RALYL: variants seen among roughly 807,000 people sequenced by gnomAD.
RALYL encodes the protein RALY RNA binding protein like, also known as RNA-binding Raly-like protein.
A neutral mutation model predicts 35.1 loss-of-function variants in RALYL; 29 were observed. That is an observed-to-expected ratio of 0.83 (90% confidence interval 0.61 to 1.13). The LOEUF (loss-of-function observed/expected upper bound fraction) is 1.13. RALYL is among the 50% of genes most tolerant of loss of function. The probability of loss-of-function intolerance (pLI) is 0.00; values close to 1 mark genes in which losing one functional copy is unlikely to be tolerated. For synonymous variants in RALYL, 120 were observed against 127.6 expected (o/e 0.94, Z 0.40); for missense variants, 359 against 360.4 (o/e 1.00, Z 0.03).
chr8:84,760,701 A>C (rs535859269), intron 2 of RALYL, among the ~76,000 whole-genome samples: 4 of 152,214 alleles, frequency 2.6e-5, no homozygotes, highest in Admixed American at 2.0e-4. Context: ...TCAGTTATTA[A>C]AAGTAAATCT....
intron 1 of RALYL, among the ~76,000 whole-genome samples, chr8:84,245,749 A>C (rs1370439969): frequency 1.3e-5 from 2 of 152,140 alleles, no homozygotes; most frequent in South Asian, 4.1e-4. Flanking sequence ...GCATGTTTAA[A>C]TAATCTGAAG....
intron 8 of RALYL, among the ~76,000 whole-genome samples, chr8:84,909,446 A>G (rs1847132520): frequency 6.6e-6 from 1 of 152,214 alleles, no homozygotes; most frequent in Non-Finnish European, 1.5e-5. Context: ...AATAATTTTG[A>G]ATAAACCTTC....
chr8:84,216,058 C>T (rs1820739582), intron 1 of RALYL, among the ~76,000 whole-genome samples: 1 of 152,098 alleles, frequency 6.6e-6, no homozygotes, highest in Admixed American at 6.6e-5. Flanking sequence ...TTGCACTTAT[C>T]ATATATTAAG....
At chr8:84,740,449 A>G (rs1848074029) in intron 2 of RALYL, among the ~76,000 whole-genome samples, 1 of 152,066 alleles carries the variant, frequency 6.6e-6, no homozygotes, top group South Asian at 2.1e-4. Flanking sequence ...AAAAGAAAGT[A>G]ATTTATTTTT....
At chr8:84,227,023 T>G (rs6473533) in intron 1 of RALYL, among the ~76,000 whole-genome samples, 44,012 of 148,564 alleles carry the variant, frequency 0.3, 7,674 homozygotes, top group African/African-American at 0.48. Flanking sequence ...TTATATTTTT[T>G]TCTGTGGTAG....
chr8:84,343,788 C>G (rs1246848726), intron 1 of RALYL, among the ~76,000 whole-genome samples: 2 of 151,880 alleles, frequency 1.3e-5, no homozygotes, highest in African/African-American at 4.8e-5. Flanking sequence ...AGCCACCACA[C>G]TGGGCTAATT....
intron 2 of RALYL, among the ~76,000 whole-genome samples, chr8:84,586,874 G>T (rs181117230): frequency 3.3e-5 from 5 of 152,150 alleles, no homozygotes; most frequent in East Asian, 1.9e-4. Context: ...ATGATTTTTT[G>T]TGTGTGTGCT....
chr8:84,365,644 A>G (rs555842450), intron 1 of RALYL, among the ~76,000 whole-genome samples: 279 of 152,334 alleles, frequency 1.8e-3, no homozygotes, highest in African/African-American at 6.5e-3. Flanking sequence ...AGAATGGAAG[A>G]AGAATAAAGT....
chr8:84,483,097 T>A (rs373506573), intron 1 of RALYL, among the ~76,000 whole-genome samples: 1 of 152,120 alleles, frequency 6.6e-6, no homozygotes, highest in South Asian at 2.1e-4. Flanking sequence ...AGAATTAGAA[T>A]ATAATCAACA....
intron 1 of RALYL, among the ~76,000 whole-genome samples, chr8:84,254,746 G>GAAACA: frequency 7.9e-6 from 1 of 126,504 alleles, no homozygotes; most frequent in Admixed American, 8.1e-5. Context: ...GGTAATTTAT[G>GAAACA]AAAAAAAAAA....
At chr8:84,774,795 C>G (rs1816441001) in intron 3 of RALYL, 141 bp downstream of exon 3, 1 of 638,000 alleles carries the variant, frequency 1.6e-6, no homozygotes, top group Non-Finnish European at 2.7e-6. Context: ...TGTTGGTCAA[C>G]ATATAAATAT....
chr8:84,581,792 G>A (rs1470871199), intron 2 of RALYL, among the ~76,000 whole-genome samples: 1 of 152,076 alleles, frequency 6.6e-6, no homozygotes, highest in African/African-American at 2.4e-5. Flanking sequence ...TACATAGTAA[G>A]CCAAGTATCT....
intron 3 of RALYL, among the ~76,000 whole-genome samples, chr8:84,783,188 T>C (rs1818601260): frequency 6.6e-6 from 1 of 152,154 alleles, no homozygotes; most frequent in Non-Finnish European, 1.5e-5. Context: ...TGAATCAAAT[T>C]AAAGACTAAA....
At chr8:84,805,224 CA>C (rs1445523478) in intron 4 of RALYL, among the ~76,000 whole-genome samples, 1 of 152,192 alleles carries the variant, frequency 6.6e-6, no homozygotes, top group Non-Finnish European at 1.5e-5. Context: ...TCTTCACAAT[CA>C]ATATCTATCT....
intron 2 of RALYL, among the ~76,000 whole-genome samples, chr8:84,730,118 T>C (rs1462006608): frequency 6.6e-6 from 1 of 152,098 alleles, no homozygotes; most frequent in African/African-American, 2.4e-5. Context: ...TGATGAACAT[T>C]GATGCAAAAA....
intron 1 of RALYL, among the ~76,000 whole-genome samples, chr8:84,404,927 C>A (rs916314550): frequency 6.6e-6 from 1 of 152,150 alleles, no homozygotes; most frequent in Non-Finnish European, 1.5e-5. Flanking sequence ...CTCAGCACAA[C>A]ATAACACTTA....
At chr8:84,425,947 G>C (rs889110365) in intron 1 of RALYL, among the ~76,000 whole-genome samples, 1 of 151,944 alleles carries the variant, frequency 6.6e-6, no homozygotes, top group Admixed American at 6.6e-5. Context: ...AGGAAATAAA[G>C]AGTATATATA....
intron 2 of RALYL, among the ~76,000 whole-genome samples, chr8:84,580,007 GTTAA>G (rs997445413): frequency 2.0e-5 from 3 of 151,976 alleles, no homozygotes; most frequent in African/African-American, 7.3e-5. Flanking sequence ...CACTTCAATG[GTTAA>G]TTAATGTAAA....
chr8:84,785,015 G>A (rs184200675), intron 3 of RALYL, among the ~76,000 whole-genome samples: 1 of 142,258 alleles, frequency 7.0e-6, no homozygotes, highest in East Asian at 1.9e-4. Flanking sequence ...TTTTGCTTAT[G>A]TTTATTGTAT....
Sources: gnomAD v4.1 joint callset for allele counts (sites outside exome capture counted in the v4.1 genomes callset) on GRCh38, gnomAD v4.1.1 for gene constraint, MANE v1.5 for transcripts, NCBI Gene and HGNC (gene_info 2026-07-23, HGNC 2026-07-21) for gene names.